Variants in HERC2 observed in about 807,000 individuals in gnomAD.
HERC2 encodes E3 ubiquitin-protein ligase HERC2.
A neutral mutation model predicts 537.7 loss-of-function variants in HERC2; 102 were observed. The ratio of observed to expected loss-of-function variants is 0.19; its 90% CI spans 0.16 to 0.22. The LOEUF is 0.22. HERC2 is among the 10% of genes least tolerant of loss of function. The probability of loss-of-function intolerance (pLI) is 1.00; values close to 1 mark genes in which losing one functional copy is unlikely to be tolerated. For synonymous variants in HERC2, 2,224 were observed against 2,466.2 expected (o/e 0.90, Z 2.91); for missense variants, 4,236 against 6,198.2 (o/e 0.68, Z 10.63).
chr15:28,163,145 G>A lies in HERC2; in HGVS notation c.10695C>T (p.Gly3565=). The A allele has an allele frequency of 6.2e-7, 1 of 1,612,778 alleles. No individual in the cohort carries two copies. Residue 3565 remains glycine (G), a synonymous_variant, in exon 69 of 93, where the codon GGC becomes GGT. Coordinates refer to ENST00000261609, the MANE Select transcript of HERC2 (RefSeq NM_004667.6). ...AAAGCACCGCGGAGAGCACATCCCT[G>A]CCCCTGTCCCCGGCCCGGCTGCACA... The part of the protein sequence containing the change: ...LSVCSRAGDR[G]RDVLSAVLSG...
chr15:28,114,589 A>C, intron 90 of HERC2, 23 bp downstream of exon 90: 1 of 1,607,678 alleles, frequency 6.2e-7, no homozygotes, highest in East Asian at 2.2e-5. Flanking sequence ...ATGTCAATGC[A>C]ACAGAGACGG....
Position 28,130,589 on chromosome 15 carries a change from A to C in HERC2, c.12576T>G (p.Asp4192Glu). 1 of 1,611,962 alleles carries C rather than the reference A, an allele frequency of 6.2e-7. No individual in the cohort carries two copies. Among genetic ancestry groups the C allele is most frequent in the Non-Finnish European group, 8.5e-7 (1 of 1,177,980 alleles). The change falls in exon 82 of 93, where the codon GAT becomes GAG. Residue 4192 changes from aspartate (D) to glutamate (E), a missense_variant. By Grantham distance (45) the Asp-to-Glu change is conservative. Around this residue, in one of 27 missense-constraint regions of HERC2, gnomAD observed 38 missense variants for 36.7 expected, o/e 1.04. Coordinates refer to ENST00000261609, the MANE Select transcript of HERC2 (RefSeq NM_004667.6). ...TAACTACTCCAAGACCAGTAAGAGA[A>C]TCAATCTAGAGGGGGAAAAGGTTCA... ...SDGCKVPMKI[D>E]SLTGLGVVKV...
At chr15:28,285,023 C>T (rs1240259233) in intron 4 of HERC2, among the ~76,000 whole-genome samples, 1 of 146,588 alleles carries the variant, frequency 6.8e-6, no homozygotes, top group Non-Finnish European at 1.5e-5. Context: ...CGCAGCAATT[C>T]AAAACGTGCA....
chr15:28,228,144 A>T, intron 35 of HERC2, 74 bp downstream of exon 35: 2 of 1,238,322 alleles, frequency 1.6e-6, no homozygotes, highest in Non-Finnish European at 2.2e-6. Context: ...AAAAAAAAAA[A>T]GAAAAGAAAA....
intron 7 of HERC2, among the ~76,000 whole-genome samples, chr15:28,273,958 C>G (rs2075804771): frequency 6.6e-6 from 1 of 152,188 alleles, no homozygotes; most frequent in Non-Finnish European, 1.5e-5. Context: ...CCAAGCACCA[C>G]TCCGCACTCA....
At chr15:28,170,073 C>T (rs1463304342) in intron 65 of HERC2, among the ~76,000 whole-genome samples, 1 of 152,210 alleles carries the variant, frequency 6.6e-6, no homozygotes, top group East Asian at 1.9e-4. Flanking sequence ...ACTCCCAGGT[C>T]TCAGCAGAAG....
chr15:28,285,332 TCA>T (rs1304017468), intron 4 of HERC2, among the ~76,000 whole-genome samples: 1 of 152,142 alleles, frequency 6.6e-6, no homozygotes, highest in Non-Finnish European at 1.5e-5. Flanking sequence ...GAAATTAAAA[TCA>T]CACAGCATAT....
At chr15:28,247,263 T>A (rs1225493407) in intron 21 of HERC2, among the ~76,000 whole-genome samples, 1 of 152,026 alleles carries the variant, frequency 6.6e-6, no homozygotes, top group Non-Finnish European at 1.5e-5. Context: ...CCTGAGTAGT[T>A]AGATCTACAG....
intron 30 of HERC2, among the ~76,000 whole-genome samples, 179 bp downstream of exon 30, chr15:28,232,967 T>C (rs1310273238): frequency 1.3e-5 from 2 of 152,252 alleles, no homozygotes; most frequent in Non-Finnish European, 2.9e-5. Flanking sequence ...ATTGTCTGAT[T>C]ACTTGGAAAA....
At chr15:28,210,467 T>C (rs2140414964) in intron 44 of HERC2, among the ~76,000 whole-genome samples, 1 of 152,286 alleles carries the variant, frequency 6.6e-6, no homozygotes, top group East Asian at 1.9e-4. Flanking sequence ...TGCCTTTTCG[T>C]GTGATAAAGT....
intron 35 of HERC2, among the ~76,000 whole-genome samples, chr15:28,227,219 G>A (rs553710390): frequency 5.3e-5 from 8 of 152,274 alleles, no homozygotes; most frequent in Admixed American, 5.2e-4. Context: ...AGGTTGCAGT[G>A]AGCTGAGATC....
rs560404195 is a variant in HERC2 at position 28,123,943 on chromosome 15, T to C, written c.13188+94A>G. On this transcript the variant is annotated intron_variant, in intron 85 of 92. Coordinates refer to ENST00000261609, the MANE Select transcript of HERC2 (RefSeq NM_004667.6). ...GTGAACATTTGCTGAATGAGCTGTA[T>C]TCTATGTGTTCTATTCCCAGTATAG... 3.0e-5 allele frequency: 31 copies of C among 1,020,960 alleles called. No homozygotes were observed. The South Asian group carries it at 6.5e-4, about 22-fold the overall frequency. The allele number at this position is 1,020,960 out of a possible 1,614,324, so 63.2% of individuals were successfully genotyped here.
intron 20 of HERC2, among the ~76,000 whole-genome samples, chr15:28,250,035 A>G (rs938441102): frequency 1.1e-4 from 16 of 152,182 alleles, no homozygotes; most frequent in Admixed American, 9.2e-4. Flanking sequence ...GCCCAACCAG[A>G]GCCTGGTTCC....
chr15:28,257,045 G>A lies in HERC2; in HGVS notation c.2517+16C>T. The A allele has an allele frequency of 1.2e-6, 2 of 1,605,068 alleles. No individual in the cohort carries two copies. The highest frequency in any genetic ancestry group is 8.5e-7 in the Non-Finnish European group (1 of 1,172,336). On this transcript the variant is annotated intron_variant, in intron 17 of 92. Transcript: ENST00000261609. ...ACACTTACAAAAGGAGGAAGAAGAA[G>A]GGAAATCATGAATACCTGAAGTCGT...
chr15:28,252,094 G>A (rs964922901), intron 20 of HERC2, among the ~76,000 whole-genome samples: 14 of 151,968 alleles, frequency 9.2e-5, no homozygotes, highest in Admixed American at 2.0e-4. Context: ...TCCTAATAAC[G>A]GAATCAAGTT....
At chr15:28,238,326 G>T (rs772313880) in intron 24 of HERC2, 109 bp from the exon 25 acceptor site, 8 of 894,634 alleles carry the variant, frequency 8.9e-6, no homozygotes, top group Non-Finnish European at 1.5e-5. Flanking sequence ...AAAAGTGAGG[G>T]TTACCAGAGT....
At chr15:28,306,398 C>A (rs1379429163) in intron 2 of HERC2, among the ~76,000 whole-genome samples, 2 of 152,304 alleles carry the variant, frequency 1.3e-5, no homozygotes, top group East Asian at 3.8e-4. Context: ...GGTGAACCAT[C>A]CTGGCATCCC....
At chr15:28,187,376 G>C (rs981413722) in intron 55 of HERC2, among the ~76,000 whole-genome samples, 13 of 151,588 alleles carry the variant, frequency 8.6e-5, no homozygotes, top group African/African-American at 2.9e-4. Context: ...TTGTTGCCCA[G>C]GCTGGAGTGC....
In HERC2 at chr15:28,198,764, T is replaced by A; in HGVS notation, c.7722A>T (p.Gly2574=). The change falls in exon 49 of 93, where the codon GGA becomes GGT. Residue 2574 remains glycine (G), a synonymous_variant. Transcript: ENST00000261609. ...ACGCTCGGCAGCATCTAACCATCAT[T>A]CCCACCTAGAATTAAAATGAAATTG... ...AVYVRENIQV[G]MMVRCCRAYE... is the part of the protein sequence containing the mutation. 1 of 1,609,380 alleles carries A rather than the reference T, an allele frequency of 6.2e-7. No individual in the cohort carries two copies. Among genetic ancestry groups the A allele is most frequent in the South Asian group, 1.1e-5 (1 of 90,290 alleles).
Sources: gnomAD v4.1 joint callset for allele counts (sites outside exome capture counted in the v4.1 genomes callset) on GRCh38, gnomAD v4.1.1 for gene constraint, gnomAD v4.1.1 regional missense constraint, MANE v1.5 for transcripts, NCBI Gene and HGNC (gene_info 2026-07-23, HGNC 2026-07-21) for gene names.